The following ZNF860 variants were observed in gnomAD, a reference collection of about 807,000 sequenced individuals.
The protein encoded by ZNF860 is zinc finger protein 860.
For synonymous variants in ZNF860, 206 were observed against 248.9 expected (o/e 0.83, Z 1.62); for missense variants, 641 against 759.2 (o/e 0.84, Z 1.83).
At chr3:32,004,533 A>G in the ZNF860 span, among the ~76,000 whole-genome samples, 2 of 152,220 alleles carry the variant, frequency 1.3e-5, no homozygotes, top group African/African-American at 4.8e-5. Context: ...AGCCTTCAAG[A>G]TATCGGCTGG....
chr3:31,988,908 T>C lies in ZNF860; in HGVS notation c.-172T>C, dbSNP rs1478826873. The C allele has an allele frequency of 1.3e-6, 1 of 777,574 alleles. No homozygotes were observed. Among genetic ancestry groups the C allele is most frequent in the East Asian group, 2.7e-5 (1 of 37,342 alleles). 48.2% of individuals were successfully genotyped at this position (777,574 alleles called of 1,614,324 possible). A position where few individuals can be genotyped will look rare whatever the true frequency, so the allele number is the denominator to read the frequency against. Reference sequence around the variant, plus strand: ...AGACACTGAGCCAGGAACACCCAGCTGAAGTGCCTCCAAACCCCGACCCAC... The same window carrying C: ...AGACACTGAGCCAGGAACACCCAGCCGAAGTGCCTCCAAACCCCGACCCAC... On this transcript the variant is annotated 5_prime_UTR_variant, in exon 2 of 2. An upstream open reading frame in the 5' UTR loses its in-frame stop. Transcript: ENST00000360311.
At chr3:31,998,593 A>G in the ZNF860 span, among the ~76,000 whole-genome samples, 108 of 152,338 alleles carry the variant, frequency 7.1e-4, no homozygotes, top group African/African-American at 2.5e-3. Flanking sequence ...CTTTCATTGG[A>G]TCTTTTTCAA....
chr3:31,994,076 A>G (rs1397085270), downstream of ZNF860, among the ~76,000 whole-genome samples: 6 of 152,366 alleles, frequency 3.9e-5, no homozygotes, highest in South Asian at 6.2e-4. Flanking sequence ...GTTACATGCA[A>G]TATTGCAAGT....
chr3:31,988,611 T>G (rs139635737), intron 1 of ZNF860, 49 bp from the exon 2 acceptor site: 351 of 175,390 alleles, frequency 2.0e-3, no homozygotes, highest in Middle Eastern at 5.5e-3. Context: ...ACTCTCGCTC[T>G]CTCTCTCTCT....
chr3:31,988,897 G>A lies in ZNF860; in HGVS notation c.-183G>A, dbSNP rs766098277. Reference sequence around the variant, plus strand: ...ACAACCCAGAGAGACACTGAGCCAGGAACACCCAGCTGAAGTGCCTCCAAA... The same window carrying A: ...ACAACCCAGAGAGACACTGAGCCAGAAACACCCAGCTGAAGTGCCTCCAAA... On this transcript the variant is annotated 5_prime_UTR_variant, in exon 2 of 2. Coordinates refer to ENST00000360311, the MANE Select transcript of ZNF860 (RefSeq NM_001137674.3). 1 of 712,234 alleles carries A rather than the reference G, an allele frequency of 1.4e-6. No homozygotes were observed. The highest frequency in any genetic ancestry group is 2.3e-6 in the Non-Finnish European group (1 of 435,162). 44.1% of individuals were successfully genotyped at this position (712,234 alleles called of 1,614,324 possible).
rs759523693 is a variant in ZNF860 at position 31,989,077 on chromosome 3, C to T, written c.-3C>T. 1.1e-5 allele frequency: 18 copies of T among 1,613,944 alleles called. No homozygotes were observed. In the African/African-American group the frequency reaches 2.0e-4, roughly 18 times the overall value. On this transcript the variant is annotated 5_prime_UTR_variant, in exon 2 of 2. Coordinates refer to ENST00000360311, the MANE Select transcript of ZNF860 (RefSeq NM_001137674.3). Reference sequence around the variant, plus strand: ...CTGCAGCACTATTGATTTCTAAAGACTCATGTTACGTGAGGAAGCAGCTCA... The same window carrying T: ...CTGCAGCACTATTGATTTCTAAAGATTCATGTTACGTGAGGAAGCAGCTCA...
At chr3:31,991,933 G>A (rs1367463424), downstream of ZNF860, among the ~76,000 whole-genome samples, 3 of 151,746 alleles carry the variant, frequency 2.0e-5, no homozygotes, top group Non-Finnish European at 2.9e-5. Flanking sequence ...ATCACTTGAG[G>A]TTAGGAGTTT....
At chr3:31,985,889 C>A (rs1418668567) in intron 1 of ZNF860, among the ~76,000 whole-genome samples, 3 of 152,336 alleles carry the variant, frequency 2.0e-5, no homozygotes, top group African/African-American at 7.2e-5. Context: ...ACAGTTCTTA[C>A]TCCCATTTTA....
intron 1 of ZNF860, among the ~76,000 whole-genome samples, chr3:31,984,023 GT>G (rs145467997): frequency 4.0e-5 from 6 of 151,278 alleles, no homozygotes; most frequent in African/African-American, 9.7e-5. Flanking sequence ...AGCCTAAGGG[GT>G]TTTTTTTGTT....
In ZNF860 at chr3:31,991,132, T is replaced by C. The variant is rs1699023094; in HGVS notation, c.*154T>C. Reference sequence around the variant, plus strand: ...ACTTGACATTGAGTTCAAGCATTAATTGACATTAAAGTGTTTACGTTAAGA... The same window carrying C: ...ACTTGACATTGAGTTCAAGCATTAACTGACATTAAAGTGTTTACGTTAAGA... On this transcript the variant is annotated 3_prime_UTR_variant, in exon 2 of 2. Transcript: ENST00000360311. The C allele has an allele frequency of 8.8e-6, 7 of 799,776 alleles. No homozygotes were observed. The highest frequency in any genetic ancestry group is 1.4e-5 in the Non-Finnish European group (7 of 502,438). 49.5% of individuals were successfully genotyped at this position (799,776 alleles called of 1,614,324 possible).
the ZNF860 span, among the ~76,000 whole-genome samples, chr3:32,002,129 G>A: frequency 6.6e-6 from 1 of 152,122 alleles, no homozygotes. Context: ...CCATCTAGGG[G>A]AAAACATTAC....
At chr3:32,001,338 G>A in the ZNF860 span, among the ~76,000 whole-genome samples, 1 of 152,112 alleles carries the variant, frequency 6.6e-6, no homozygotes, top group South Asian at 2.1e-4. Context: ...TGATCTGTTG[G>A]TGTATTCTGT....
chr3:31,994,902 A>G (rs1475380413), downstream of ZNF860, among the ~76,000 whole-genome samples: 1 of 152,148 alleles, frequency 6.6e-6, no homozygotes, highest in East Asian at 1.9e-4. Context: ...GAGTACAAAG[A>G]GAGGAATTTT....
downstream of ZNF860, among the ~76,000 whole-genome samples, chr3:31,993,957 G>A (rs191709972): frequency 7.2e-5 from 11 of 152,114 alleles, no homozygotes; most frequent in East Asian, 3.9e-4. Context: ...ATCAAAACCC[G>A]GAAACAACCC....
chr3:31,994,932 T>C (rs1054440192), downstream of ZNF860, among the ~76,000 whole-genome samples: 4 of 152,048 alleles, frequency 2.6e-5, no homozygotes, highest in African/African-American at 7.2e-5. Context: ...CTGCCAGGGG[T>C]GACATCACAT....
the ZNF860 span, among the ~76,000 whole-genome samples, chr3:32,001,882 G>A: frequency 9.2e-5 from 14 of 152,008 alleles, no homozygotes; most frequent in East Asian, 9.6e-4. Context: ...CCCAACTCTT[G>A]GACAATTTTT....
chr3:31,988,309 G>A (rs1489173894), intron 1 of ZNF860, among the ~76,000 whole-genome samples: 9 of 152,164 alleles, frequency 5.9e-5, no homozygotes, highest in African/African-American at 2.2e-4. Context: ...GACTTAGATG[G>A]TGAGATTGTG....
In ZNF860 at chr3:31,989,834, A is replaced by C. The variant is rs769115005; in HGVS notation, c.755A>C (p.Tyr252Ser). The C allele has an allele frequency of 6.8e-6, 11 of 1,614,052 alleles. No homozygotes were observed. The highest frequency in any genetic ancestry group is 8.5e-6 in the Non-Finnish European group (10 of 1,180,042). Reference sequence around the variant, plus strand: ...CTCTTAAGGAAACATCAGATAATCTATTTAGGAGGGAAACAATATAAATGT... The same window carrying C: ...CTCTTAAGGAAACATCAGATAATCTCTTTAGGAGGGAAACAATATAAATGT... ...SSLLRKHQII[Y>S]LGGKQYKCDV... is the part of the protein sequence containing the mutation. The change falls in exon 2 of 2, where the codon TAT (tyrosine) becomes TCT (serine). Residue 252 changes from tyrosine (Y) to serine (S), a missense_variant. Transcript: ENST00000360311.
At position 31,990,158 on chromosome 3, in the gene ZNF860, A is replaced by G. The variant is rs1559544352; in HGVS notation, c.1079A>G (p.His360Arg). 4.3e-6 allele frequency: 7 copies of G among 1,611,808 alleles called. No individual in the cohort carries two copies. The highest frequency in any genetic ancestry group is 5.9e-6 in the Non-Finnish European group (7 of 1,178,646). ...AGGCGTGATTCACACCTCACACAAC[A>G]CACTAGAATTCACACTGGAGAGAAA... ...AFRRDSHLTQ[H>R]TRIHTGEKPY... Residue 360 changes from histidine to arginine, a missense_variant, in exon 2 of 2, where the codon CAC becomes CGC. Transcript: ENST00000360311.
Sources: allele counts gnomAD v4.1 joint callset (sites outside exome capture counted in the v4.1 genomes callset), GRCh38; gene constraint gnomAD v4.1.1; transcripts MANE v1.5; gene names NCBI Gene and HGNC (gene_info 2026-07-23, HGNC 2026-07-21).